Variants in SLC66A2 observed in about 807,000 individuals in gnomAD.
The protein encoded by SLC66A2 is PQ loop repeat containing 1.
A neutral mutation model predicts 25.5 loss-of-function variants in SLC66A2; 23 were observed. That is an observed-to-expected ratio of 0.90 (90% CI 0.65 to 1.28). SLC66A2 has a LOEUF of 1.28. Among genes scored for constraint, SLC66A2 ranks in the 50% most tolerant of loss-of-function variants. The probability of loss-of-function intolerance (pLI) is 0.00; values close to 1 mark genes in which losing one functional copy is unlikely to be tolerated. For synonymous variants in SLC66A2, 193 were observed against 166.5 expected (o/e 1.16, Z -1.23); for missense variants, 396 against 373.1 (o/e 1.06, Z -0.51).
intron 1 of SLC66A2, 38 bp from the exon 2 acceptor site, chr18:79,951,063 G>A (rs1004748791): frequency 3.4e-6 from 2 of 583,272 alleles, no homozygotes; most frequent in African/African-American, 4.0e-5. Flanking sequence ...TCCGCCCAGG[G>A]AGGCTGGGGC....
At chr18:79,949,659 T>A (rs2051051071) in intron 2 of SLC66A2, 1 of 151,718 alleles carries the variant, frequency 6.6e-6, no homozygotes, top group Admixed American at 6.6e-5. Context: ...CAAGACTCTG[T>A]CTCAAAAAAA....
Position 79,943,384 on chromosome 18 carries a change from C to T in SLC66A2, c.282G>A (p.Leu94=). Residue 94 remains leucine (L), a synonymous_variant, in exon 3 of 6, where the codon CTG becomes CTA. Transcript: ENST00000397778. Reference sequence around the variant, plus strand: ...CGTTGGCCACACGGACCTCGGTGCACAGCTTCAGCATCAGCAGCATGGTCA... The same window carrying T: ...CGTTGGCCACACGGACCTCGGTGCATAGCTTCAGCATCAGCAGCATGGTCA... ...MILTMLLMLK[L]CTEVRVANEL... 1 of 1,614,210 alleles carries T rather than the reference C, an allele frequency of 6.2e-7. No homozygotes were observed. Among genetic ancestry groups the T allele is most frequent in the Non-Finnish European group, 8.5e-7 (1 of 1,180,032 alleles).
At chr18:79,926,313 A>AGAGTCCTTTCCTGGGGTCTGGGTGGG (rs1985942250) in intron 4 of SLC66A2, among the ~76,000 whole-genome samples, 1 of 152,122 alleles carries the variant, frequency 6.6e-6, no homozygotes, top group Non-Finnish European at 1.5e-5. Context: ...GCGAGACCCA[A>AGAGTCCTTTCCTGGGGTCTGGGTGGG]GAGTCCTTTC....
Position 79,902,496 on chromosome 18 carries a change from C to A in SLC66A2, c.*1480G>T, listed in dbSNP as rs937694757. ...CAGCAGTCACTGCGCCTGCAGTCGG[C>A]GACAGTTTAATGTGAGGCAATTACC... is the stretch of plus-strand genomic sequence containing the variant. On this transcript the variant is annotated 3_prime_UTR_variant, in exon 6 of 6. Coordinates refer to ENST00000397778, the MANE Select transcript of SLC66A2 (RefSeq NM_025078.5). 2.0e-5 allele frequency: 3 copies of A among 152,274 alleles called. No homozygotes were observed. The highest frequency in any genetic ancestry group is 2.4e-5 in the African/African-American group (1 of 41,476). 9.4% of individuals were successfully genotyped at this position (152,274 alleles called of 1,614,324 possible).
At position 79,937,299 on chromosome 18, in the gene SLC66A2, G is replaced by A. The variant is rs1440937970; in HGVS notation, c.338-3277C>T. Among the ~76,000 whole-genome samples the A allele has an allele frequency of 6.6e-6, 1 of 152,054 alleles. No homozygotes were observed. The highest frequency in any genetic ancestry group is 1.5e-5 in the Non-Finnish European group (1 of 68,004). ...TTATACCAGGATCCTGTGTAGAAGC[G>A]AGACCCCTCATGCTGGGTCGAAAGG... On this transcript the variant is annotated intron_variant, in intron 3 of 5. Transcript: ENST00000397778. This position sits in a 1 kb window ranked among gnomAD's most constrained non-coding sequence, Gnocchi z 5.4.
At chr18:79,906,081 T>C (rs2085346282) in intron 5 of SLC66A2, among the ~76,000 whole-genome samples, 1 of 152,246 alleles carries the variant, frequency 6.6e-6, no homozygotes, top group Non-Finnish European at 1.5e-5. Flanking sequence ...TGTACTCTTT[T>C]GATGCCTGTG....
At chr18:79,926,660 CT>C (rs5826681) in intron 4 of SLC66A2, among the ~76,000 whole-genome samples, 51 of 147,468 alleles carry the variant, frequency 3.5e-4, no homozygotes, top group East Asian at 1.4e-3. Context: ...GGAAATTGCT[CT>C]TTTTTTTTTT....
At chr18:79,905,096 C>T (rs1362585305) in intron 5 of SLC66A2, among the ~76,000 whole-genome samples, 2 of 152,202 alleles carry the variant, frequency 1.3e-5, no homozygotes, top group Non-Finnish European at 2.9e-5. Context: ...CAGGAGACAG[C>T]CGGCATCTGC....
chr18:79,928,912 C>T (rs1986279435), intron 4 of SLC66A2, among the ~76,000 whole-genome samples: 1 of 152,120 alleles, frequency 6.6e-6, no homozygotes, highest in Non-Finnish European at 1.5e-5. Context: ...CTAAGAAGAC[C>T]AGAGGCAACA....
rs557762297 is a variant in SLC66A2, at chr18:79,913,079, C to T, written c.608+6105G>A. Among the ~76,000 whole-genome samples, 3 of 152,294 alleles carry T rather than the reference C, an allele frequency of 2.0e-5. No homozygotes were observed. In the South Asian group the frequency reaches 6.2e-4, roughly 32 times the overall value. ...CCATGTCCTGGCTGGACAGGGGCAG[C>T]CCCAAGGGGTGAGGACTGACGTAGT... is the stretch of plus-strand genomic sequence containing the variant. On this transcript the variant is annotated intron_variant, in intron 5 of 5. Transcript: ENST00000397778.
At chr18:79,942,837 C>T (rs935306764) in intron 3 of SLC66A2, among the ~76,000 whole-genome samples, 3 of 152,174 alleles carry the variant, frequency 2.0e-5, no homozygotes, top group Non-Finnish European at 2.9e-5. Flanking sequence ...CAGTGTGCTC[C>T]GCATAAAGGG....
At chr18:79,906,591 C>A (rs1171323632) in intron 5 of SLC66A2, among the ~76,000 whole-genome samples, 3 of 152,176 alleles carry the variant, frequency 2.0e-5, no homozygotes, top group Non-Finnish European at 4.4e-5. Flanking sequence ...AAATACTTTG[C>A]ACAATTTCAG....
At chr18:79,906,275 T>G (rs1227286036) in intron 5 of SLC66A2, among the ~76,000 whole-genome samples, 4 of 152,232 alleles carry the variant, frequency 2.6e-5, no homozygotes, top group Non-Finnish European at 5.9e-5. Flanking sequence ...TTTCCTTCCT[T>G]CTGCTGGCTT....
At chr18:79,916,269 C>T (rs1462670074) in intron 5 of SLC66A2, among the ~76,000 whole-genome samples, 2 of 147,914 alleles carry the variant, frequency 1.4e-5, no homozygotes, top group South Asian at 2.2e-4. Context: ...CGCAGTGCTC[C>T]CGTACCCGTG....
chr18:79,906,070 T>C (rs527291510), intron 5 of SLC66A2, among the ~76,000 whole-genome samples: 14 of 152,370 alleles, frequency 9.2e-5, no homozygotes, highest in East Asian at 7.7e-4. Flanking sequence ...AGGTTGTTCA[T>C]TGTACTCTTT....
chr18:79,925,155 T>C (rs920038010), intron 4 of SLC66A2: 1 of 152,126 alleles, frequency 6.6e-6, no homozygotes, highest in Non-Finnish European at 1.5e-5. Context: ...GAGAGGCGCC[T>C]GGCAGTCCTC....
chr18:79,924,353 C>G (rs1014466167), intron 4 of SLC66A2, among the ~76,000 whole-genome samples: 4 of 152,220 alleles, frequency 2.6e-5, no homozygotes, highest in African/African-American at 9.6e-5. Flanking sequence ...ACTAATGAGT[C>G]TGTTCCCATG....
intron 5 of SLC66A2, among the ~76,000 whole-genome samples, chr18:79,906,258 T>G (rs993508913): frequency 1.3e-5 from 2 of 152,234 alleles, no homozygotes; most frequent in Admixed American, 1.3e-4. Context: ...TGGTGTTAGC[T>G]CCGTTATTTC....
At chr18:79,923,486 A>G (rs1439512912) in intron 4 of SLC66A2, among the ~76,000 whole-genome samples, 1 of 152,164 alleles carries the variant, frequency 6.6e-6, no homozygotes, top group East Asian at 1.9e-4. Context: ...TAGTTTCCCC[A>G]GGAAGGAGTC....
Sources: gnomAD v4.1 joint callset for allele counts (sites outside exome capture counted in the v4.1 genomes callset) on GRCh38, gnomAD v4.1.1 for gene constraint, Gnocchi (gnomAD v3.1) non-coding constraint, MANE v1.5 for transcripts, NCBI Gene and HGNC (gene_info 2026-07-23, HGNC 2026-07-21) for gene names.